Variants in ADAMTSL3 observed in about 807,000 individuals in gnomAD.
ADAMTSL3 encodes the protein ADAMTS-like protein 3.
Under a neutral mutation model 201.7 loss-of-function variants are expected in ADAMTSL3, and 128 were observed. The ratio of observed to expected loss-of-function variants is 0.63; its 90% CI spans 0.55 to 0.73. The LOEUF is 0.73. ADAMTSL3 is among the 30% of genes least tolerant of loss of function. ADAMTSL3 has a pLI of 0.00. For synonymous variants in ADAMTSL3, 738 were observed against 748.4 expected (o/e 0.99, Z 0.23); for missense variants, 1,990 against 2,119.6 (o/e 0.94, Z 1.20).
chr15:83,963,146 G>T (rs566626019), intron 19 of ADAMTSL3, among the ~76,000 whole-genome samples: 1 of 152,280 alleles, frequency 6.6e-6, no homozygotes, highest in South Asian at 2.1e-4. Flanking sequence ...CCTCAGTGGT[G>T]CCTGTAACAC....
At chr15:83,801,945 A>G (rs2063531460) in intron 4 of ADAMTSL3, among the ~76,000 whole-genome samples, 1 of 151,856 alleles carries the variant, frequency 6.6e-6, no homozygotes, top group South Asian at 2.1e-4. Flanking sequence ...TATATCAAGT[A>G]CTAACACAAC....
At chr15:83,814,528 A>T (rs952693468) in intron 5 of ADAMTSL3, among the ~76,000 whole-genome samples, 1 of 152,118 alleles carries the variant, frequency 6.6e-6, no homozygotes, top group African/African-American at 2.4e-5. Context: ...CCCGAATCTT[A>T]TCCTGTTTAC....
chr15:83,759,805 T>G (rs768346432), intron 3 of ADAMTSL3, among the ~76,000 whole-genome samples: 2 of 152,188 alleles, frequency 1.3e-5, no homozygotes, highest in Non-Finnish European at 2.9e-5. Flanking sequence ...ATCTAAATTT[T>G]GAAATATATT....
At chr15:83,668,390 CT>C (rs990788089) in intron 2 of ADAMTSL3, among the ~76,000 whole-genome samples, 59 of 147,202 alleles carry the variant, frequency 4.0e-4, no homozygotes, top group Admixed American at 2.2e-3. Flanking sequence ...GATATTTTCT[CT>C]TTTTTTTTTC....
At chr15:83,859,585 G>T (rs971051736) in intron 8 of ADAMTSL3, among the ~76,000 whole-genome samples, 1 of 152,134 alleles carries the variant, frequency 6.6e-6, no homozygotes, top group Non-Finnish European at 1.5e-5. Flanking sequence ...CTATTACCTT[G>T]TTGCCTGTGA....
chr15:83,999,015 T>A (rs2067740199), intron 23 of ADAMTSL3, among the ~76,000 whole-genome samples: 1 of 152,220 alleles, frequency 6.6e-6, no homozygotes, highest in Non-Finnish European at 1.5e-5. Flanking sequence ...TGTGTTTTCT[T>A]GTCTCATAAA....
chr15:83,805,562 A>AT (rs987331883), intron 5 of ADAMTSL3, among the ~76,000 whole-genome samples: 9 of 151,650 alleles, frequency 5.9e-5, no homozygotes, highest in African/African-American at 2.2e-4. Context: ...GTCTCAAAAA[A>AT]AAAAAAATAA....
chr15:83,761,896 G>C (rs536249246), intron 3 of ADAMTSL3, among the ~76,000 whole-genome samples: 13 of 152,222 alleles, frequency 8.5e-5, no homozygotes, highest in African/African-American at 3.1e-4. Context: ...AACACTGATT[G>C]CATTAATAGG....
At chr15:83,872,251 C>T (rs577686557) in intron 9 of ADAMTSL3, among the ~76,000 whole-genome samples, 8 of 151,818 alleles carry the variant, frequency 5.3e-5, no homozygotes, top group African/African-American at 1.9e-4. Context: ...GTGACTGTAA[C>T]TGAGGAACAG....
intron 7 of ADAMTSL3, among the ~76,000 whole-genome samples, chr15:83,853,922 ATC>A (rs2064673328): frequency 6.8e-6 from 1 of 147,458 alleles, no homozygotes; most frequent in African/African-American, 2.6e-5. Context: ...CTATCTATCT[ATC>A]TATCTATCTA....
intron 2 of ADAMTSL3, among the ~76,000 whole-genome samples, chr15:83,674,801 A>T (rs931230659): frequency 1.4e-5 from 2 of 138,248 alleles, no homozygotes; most frequent in African/African-American, 2.6e-5. Context: ...ATCTTGCTGG[A>T]ATTTTGATAG....
At position 83,991,226 on chromosome 15, in the gene ADAMTSL3, C is replaced by A. The variant is rs780340966; in HGVS notation, c.3973+12C>A. On this transcript the variant is annotated intron_variant, in intron 23 of 29. Coordinates refer to ENST00000286744, the MANE Select transcript of ADAMTSL3 (RefSeq NM_207517.3). ...ATGTCCTGTAAAAGGTAAGTGTGGT[C>A]ATTTCAGTGGGAGGCCATTTCAGTG... The A allele has an allele frequency of 1.2e-6, 2 of 1,613,946 alleles. No homozygotes were observed. Among genetic ancestry groups the A allele is most frequent in the Non-Finnish European group, 1.7e-6 (2 of 1,179,942 alleles).
At chr15:83,703,942 C>G (rs912408296) in intron 2 of ADAMTSL3, among the ~76,000 whole-genome samples, 4 of 143,222 alleles carry the variant, frequency 2.8e-5, no homozygotes, top group African/African-American at 7.9e-5. Context: ...TCTAAAGTTT[C>G]TACAATGAAG....
In ADAMTSL3 at chr15:83,982,378, C is replaced by A. The variant is rs2067398690; in HGVS notation, c.2750C>A (p.Thr917Asn). Residue 917 changes from threonine (T) to asparagine (N), a missense_variant, in exon 21 of 30, where the codon ACC becomes AAC. Transcript: ENST00000286744. ...QTREEKRINL[T>N]IGSRAYLLPN... ...AGGGAAGAGAAGCGTATTAACCTGA[C>A]CATTGGTAGCAGAGCCTATTTGCTG... 3.1e-6 allele frequency: 5 copies of A among 1,613,980 alleles called. No homozygotes were observed. The highest frequency in any genetic ancestry group is 4.2e-6 in the Non-Finnish European group (5 of 1,180,004).
At chr15:83,778,361 A>G (rs563850892) in intron 4 of ADAMTSL3, among the ~76,000 whole-genome samples, 8 of 152,298 alleles carry the variant, frequency 5.3e-5, no homozygotes, top group African/African-American at 1.9e-4. Context: ...AAAAAATGTT[A>G]AAGACAGAGA....
At chr15:83,730,101 C>T (rs2585063) in intron 3 of ADAMTSL3, among the ~76,000 whole-genome samples, 30,363 of 151,944 alleles carry the variant, frequency 0.2, 3,960 homozygotes, top group Middle Eastern at 0.36. Context: ...GACCACTCAG[C>T]GTGATGATTC....
At chr15:83,874,285 C>A (rs2065137614) in intron 9 of ADAMTSL3, among the ~76,000 whole-genome samples, 1 of 145,130 alleles carries the variant, frequency 6.9e-6, no homozygotes, top group African/African-American at 2.6e-5. Context: ...ACGCAGAGCT[C>A]CCAGAGGAAA....
intron 22 of ADAMTSL3, among the ~76,000 whole-genome samples, 194 bp downstream of exon 22, chr15:83,989,012 G>T (rs1329584011): frequency 6.6e-6 from 1 of 151,704 alleles, no homozygotes; most frequent in Non-Finnish European, 1.5e-5. Context: ...CTCCCGAGTA[G>T]CTGGGGACTA....
intron 2 of ADAMTSL3, among the ~76,000 whole-genome samples, chr15:83,689,755 A>G (rs990944731): frequency 1.3e-4 from 20 of 152,108 alleles, no homozygotes; most frequent in Admixed American, 4.6e-4. Context: ...TTTTGTTTTC[A>G]AGAGCATAAT....
Sources: allele counts gnomAD v4.1 joint callset (sites outside exome capture counted in the v4.1 genomes callset), GRCh38; gene constraint gnomAD v4.1.1; transcripts MANE v1.5; gene names NCBI Gene and HGNC (gene_info 2026-07-23, HGNC 2026-07-21).